WAPL: variants seen among roughly 807,000 people sequenced by gnomAD.
WAPL encodes wings apart-like protein homolog.
Under a neutral mutation model 121.0 loss-of-function variants are expected in WAPL, and 5 were observed. That is an observed-to-expected ratio of 0.04 (90% CI 0.02 to 0.09). The LOEUF is 0.09. WAPL is among the 10% of genes least tolerant of loss of function. The pLI is 1.00. For missense variants in WAPL, 999 were observed against 1,410.8 expected (o/e 0.71, Z 4.68); for synonymous variants, 480 against 481.5 (o/e 1.00, Z 0.04).
At chr10:86,451,942 G>A (rs751759122) in intron 15 of WAPL, 25 bp downstream of exon 15, 1 of 1,607,658 alleles carries the variant, frequency 6.2e-7, no homozygotes, top group African/African-American at 1.3e-5. Context: ...GCAGTTATGA[G>A]TTTGTTTTTA....
At chr10:86,465,474 G>C (rs1164714480) in intron 9 of WAPL, among the ~76,000 whole-genome samples, 1 of 152,164 alleles carries the variant, frequency 6.6e-6, no homozygotes, top group African/African-American at 2.4e-5. Context: ...CCAAAGTGCT[G>C]GGATTATGGG....
At chr10:86,454,222 T>G (rs1490273888) in intron 12 of WAPL, among the ~76,000 whole-genome samples, 1 of 152,244 alleles carries the variant, frequency 6.6e-6, no homozygotes, top group Non-Finnish European at 1.5e-5. Flanking sequence ...TCATACGCAT[T>G]AGAGCAAATC....
At position 86,486,974 on chromosome 10, in the gene WAPL, G is replaced by A. The variant is rs1257271547; in HGVS notation, c.1644+10227C>T. Among the ~76,000 whole-genome samples the A allele has an allele frequency of 2.6e-5, 4 of 151,798 alleles. No homozygotes were observed. The East Asian group carries it at 7.7e-4, about 29-fold the overall frequency. On this transcript the variant is annotated intron_variant, in intron 4 of 18. Coordinates refer to ENST00000298767, the MANE Select transcript of WAPL (RefSeq NM_015045.5). ...CCTGTCTCAACAACAAAAAAAGAACGTAAAGGTATAAATATTGGAGAATTG... is the reference window on the plus strand; with the variant it reads ...CCTGTCTCAACAACAAAAAAAGAACATAAAGGTATAAATATTGGAGAATTG...
chr10:86,460,026 T>C (rs983409299), intron 11 of WAPL, among the ~76,000 whole-genome samples: 6 of 152,236 alleles, frequency 3.9e-5, no homozygotes, highest in Middle Eastern at 3.4e-3. Context: ...AGGCATGAAA[T>C]TGCTTGAACC....
Position 86,471,107 on chromosome 10 carries a change from C to T in WAPL, c.2031-4G>A. 1 of 1,612,834 alleles carries T rather than the reference C, an allele frequency of 6.2e-7. No homozygotes were observed. The highest frequency in any genetic ancestry group is 8.5e-7 in the Non-Finnish European group (1 of 1,179,218). On this transcript the variant is annotated splice_region_variant and splice_polypyrimidine_tract_variant and intron_variant, in intron 7 of 18. Coordinates refer to ENST00000298767, the MANE Select transcript of WAPL (RefSeq NM_015045.5). ...TTTAGTAGCCAAGCTAATAACACTA[C>T]AAGAAAATAGAGCAGGTTAGGGGGG... is the stretch of plus-strand genomic sequence containing the variant.
intron 2 of WAPL, 117 bp downstream of exon 2, chr10:86,517,454 C>A: frequency 3.7e-6 from 5 of 1,353,914 alleles, no homozygotes; most frequent in Non-Finnish European, 4.9e-6. Context: ...TATCAATGGT[C>A]CCCATGTATC....
intron 16 of WAPL, among the ~76,000 whole-genome samples, chr10:86,444,730 CA>C (rs1849559934): frequency 6.6e-6 from 1 of 151,710 alleles, no homozygotes. Flanking sequence ...GTGATAAAAA[CA>C]ATATTTGGAA....
chr10:86,498,689 T>C (rs1480464841), intron 3 of WAPL, among the ~76,000 whole-genome samples: 1 of 152,190 alleles, frequency 6.6e-6, no homozygotes, highest in Non-Finnish European at 1.5e-5. Context: ...CTAGAAGCTT[T>C]CACAAATTCT....
chr10:86,497,649 A>C (rs963665157), intron 3 of WAPL, among the ~76,000 whole-genome samples: 1 of 152,228 alleles, frequency 6.6e-6, no homozygotes, highest in African/African-American at 2.4e-5. Context: ...ATATCCATGG[A>C]TACTGACACT....
rs112527035 is a variant in WAPL at position 86,438,724 on chromosome 10, A to T, written c.3412-709T>A. On this transcript the variant is annotated intron_variant, in intron 17 of 18. Coordinates refer to ENST00000298767, the MANE Select transcript of WAPL (RefSeq NM_015045.5). Reference sequence around the variant, plus strand: ...ATAAAAAGATCAAAGAAAAATTCACATCCTTCACAGATGAATTCAACTAAT... The same window carrying T: ...ATAAAAAGATCAAAGAAAAATTCACTTCCTTCACAGATGAATTCAACTAAT... Among the ~76,000 whole-genome samples the T allele has an allele frequency of 1.6e-3, 243 of 152,340 alleles. 1 individual carries two copies. Among genetic ancestry groups the T allele is most frequent in the African/African-American group, 5.6e-3 (231 of 41,580 alleles).
At chr10:86,505,936 C>T (rs1001232759) in intron 2 of WAPL, among the ~76,000 whole-genome samples, 1 of 151,976 alleles carries the variant, frequency 6.6e-6, no homozygotes, top group African/African-American at 2.4e-5. Flanking sequence ...GAATGAACAG[C>T]AAGTAATTAT....
intron 12 of WAPL, 41 bp downstream of exon 12, chr10:86,458,948 A>T (rs1841210521): frequency 6.7e-7 from 1 of 1,482,016 alleles, no homozygotes; most frequent in Non-Finnish European, 9.3e-7. Context: ...GTTTAAAATA[A>T]GTAACAATGT....
chr10:86,514,898 C>T (rs1182130127), intron 2 of WAPL, among the ~76,000 whole-genome samples: 1 of 152,190 alleles, frequency 6.6e-6, no homozygotes, highest in African/African-American at 2.4e-5. Context: ...AGCACTTTCA[C>T]CACTTGCACA....
chr10:86,444,892 C>A (rs1451628933), intron 16 of WAPL, among the ~76,000 whole-genome samples: 58 of 68,162 alleles, frequency 8.5e-4, no homozygotes, highest in Admixed American at 1.7e-3. Context: ...GTTATTACGC[C>A]AAAAAAAAAA....
intron 7 of WAPL, 93 bp from the exon 8 acceptor site, chr10:86,471,196 G>A (rs1163856713): frequency 1.6e-5 from 15 of 917,224 alleles, no homozygotes; most frequent in East Asian, 2.6e-5. Context: ...ATAGGAAGGG[G>A]GTAAAAGGGT....
chr10:86,492,542 G>A (rs532171359), intron 4 of WAPL, among the ~76,000 whole-genome samples: 33 of 152,142 alleles, frequency 2.2e-4, no homozygotes, highest in Non-Finnish European at 4.4e-4. Flanking sequence ...CAGGTATCAT[G>A]AGACTTCTGA....
At position 86,472,182 on chromosome 10, in the gene WAPL, T is replaced by C. The variant is rs116517434; in HGVS notation, c.2030+26A>G. ...AAATTTAATACAGCATGCACATAAT[T>C]GTAAAATATAAAAATAAGATCTTAC... is the stretch of plus-strand genomic sequence containing the variant. On this transcript the variant is annotated intron_variant, in intron 7 of 18. Transcript: ENST00000298767. The surrounding 1 kb of genome is among the most constrained non-coding windows in gnomAD (Gnocchi z 4.2). The C allele has an allele frequency of 1.4e-3, 2,189 of 1,533,742 alleles. 35 individuals carry two copies. The African/African-American group carries it at 0.028, about 19-fold the overall frequency.
chr10:86,466,975 A>G (rs1216711594), intron 9 of WAPL: 11 of 282,038 alleles, frequency 3.9e-5, no homozygotes, highest in Non-Finnish European at 6.8e-5. Flanking sequence ...TGCTGGTATT[A>G]TAGGCATGAA....
intron 8 of WAPL, among the ~76,000 whole-genome samples, chr10:86,470,587 C>T (rs745688100): frequency 1.3e-5 from 2 of 152,138 alleles, no homozygotes; most frequent in Non-Finnish European, 2.9e-5. Context: ...AGATTCAACA[C>T]TGGACAAAAA....
Sources: gnomAD v4.1 joint callset for allele counts (sites outside exome capture counted in the v4.1 genomes callset) on GRCh38, gnomAD v4.1.1 for gene constraint, Gnocchi (gnomAD v3.1) non-coding constraint, MANE v1.5 for transcripts, NCBI Gene and HGNC (gene_info 2026-07-23, HGNC 2026-07-21) for gene names.